The following CTNNA1 variants were observed in gnomAD, a reference collection of about 807,000 sequenced individuals.
CTNNA1 encodes catenin alpha-1.
A neutral mutation model predicts 98.4 loss-of-function variants in CTNNA1; 37 were observed. That is an observed-to-expected ratio of 0.38 (90% CI 0.29 to 0.49). The LOEUF (loss-of-function observed/expected upper bound fraction) is 0.49. CTNNA1 is among the 20% of genes least tolerant of loss of function. CTNNA1 has a pLI of 0.95. For synonymous variants in CTNNA1, 404 were observed against 413.2 expected, an observed-to-expected ratio of 0.98 and a Z score of 0.27; for missense variants, 761 against 1,147.2, an observed-to-expected ratio of 0.66 and a Z score of 4.86.
At chr5:138,903,784 A>C (rs763368762) in intron 9 of CTNNA1, among the ~76,000 whole-genome samples, 5 of 152,094 alleles carry the variant, frequency 3.3e-5, no homozygotes, top group Non-Finnish European at 5.9e-5. Flanking sequence ...TCCACTTTTG[A>C]TCATGATTGC....
chr5:138,845,382 G>A (rs1238658862), intron 7 of CTNNA1, among the ~76,000 whole-genome samples: 2 of 152,138 alleles, frequency 1.3e-5, no homozygotes, highest in African/African-American at 4.8e-5. Flanking sequence ...TGTGGGTGGA[G>A]GAAGAAAGTG....
intron 5 of CTNNA1, among the ~76,000 whole-genome samples, chr5:138,821,860 A>G (rs1760083685): frequency 6.6e-6 from 1 of 152,188 alleles, no homozygotes; most frequent in Non-Finnish European, 1.5e-5. Context: ...TTCCTCAGTA[A>G]TCTGGATTAC....
chr5:138,812,803 T>TAGCCCTTTGACCCTTCGGC (rs1356476895), intron 5 of CTNNA1, among the ~76,000 whole-genome samples: 5 of 152,264 alleles, frequency 3.3e-5, no homozygotes, highest in African/African-American at 1.2e-4. Context: ...CAAGCTCCAG[T>TAGCCCTTTGACCCTTCGGC]AGCCCTTTGA....
rs1765964330 is a variant in CTNNA1, at chr5:138,933,793, G to T, written c.2434-9G>T. On this transcript the variant is annotated splice_polypyrimidine_tract_variant and intron_variant, in intron 17 of 17. Transcript: ENST00000302763. Reference sequence around the variant, plus strand: ...CCGGTGCTTCTTACCACCCCTGTCTGCCTCGTAGGTGGACAGCGCCATGTC... The same window carrying T: ...CCGGTGCTTCTTACCACCCCTGTCTTCCTCGTAGGTGGACAGCGCCATGTC... 3 of 1,611,020 alleles carry T rather than the reference G, an allele frequency of 1.9e-6. No homozygotes were observed. Among genetic ancestry groups the T allele is most frequent in the Admixed American group, 1.7e-5 (1 of 59,960 alleles).
chr5:138,805,108 A>G (rs147916504), intron 3 of CTNNA1, among the ~76,000 whole-genome samples: 214 of 152,306 alleles, frequency 1.4e-3, no homozygotes, highest in African/African-American at 5.0e-3. Context: ...GCCAGATCTC[A>G]TGAGAACTCA....
intron 1 of CTNNA1, among the ~76,000 whole-genome samples, chr5:138,758,472 T>C (rs559446761): frequency 6.6e-6 from 1 of 152,094 alleles, no homozygotes; most frequent in African/African-American, 2.4e-5. Context: ...CTGCCTCCCG[T>C]GTTCAAGTGA....
At chr5:138,777,433 G>A (rs1435868311) in intron 1 of CTNNA1, among the ~76,000 whole-genome samples, 395 of 132,518 alleles carry the variant, frequency 3.0e-3, no homozygotes, top group African/African-American at 0.01. Flanking sequence ...AGGCAGAGAC[G>A]CTCCTCACTT....
At chr5:138,848,198 A>C (rs913302967) in intron 7 of CTNNA1, among the ~76,000 whole-genome samples, 2 of 152,216 alleles carry the variant, frequency 1.3e-5, no homozygotes, top group Non-Finnish European at 1.5e-5. Context: ...ATGAAAAGTT[A>C]CCTAAGCTTT....
At position 138,921,195 on chromosome 5, in the gene CTNNA1, A is replaced by G. The variant is rs563063971; in HGVS notation, c.1546+3297A>G. ...GTGGTTTGAAATTCATCAAAGTGAT[A>G]AAGACTCTTTGAATTTCACTTGGAT... is the stretch of plus-strand genomic sequence containing the variant. On this transcript the variant is annotated intron_variant, in intron 11 of 17. Coordinates refer to ENST00000302763, the MANE Select transcript of CTNNA1 (RefSeq NM_001903.5). Among the ~76,000 whole-genome samples the G allele has an allele frequency of 8.5e-5, 13 of 152,354 alleles. No homozygotes were observed. In the South Asian group the frequency reaches 2.7e-3, roughly 32 times the overall value.
At chr5:138,846,308 A>ATT (rs1256880796) in intron 7 of CTNNA1, among the ~76,000 whole-genome samples, 1 of 152,220 alleles carries the variant, frequency 6.6e-6, no homozygotes, top group Non-Finnish European at 1.5e-5. Flanking sequence ...GACTGTAGTA[A>ATT]TGGTTGTACA....
At chr5:138,905,659 C>T (rs1166271432) in intron 10 of CTNNA1, among the ~76,000 whole-genome samples, 1 of 152,220 alleles carries the variant, frequency 6.6e-6, no homozygotes, top group Non-Finnish European at 1.5e-5. Context: ...ATCTGGCCCT[C>T]TAGAAAGACT....
Position 138,934,586 on chromosome 5 carries a change from T to C in CTNNA1, c.*497T>C, listed in dbSNP as rs575555820. ...AAGGTCTCTGGAGGGACAAACTCACTCAGTAAAACATAATGTATCATGAAG... is the reference window on the plus strand; with the variant it reads ...AAGGTCTCTGGAGGGACAAACTCACCCAGTAAAACATAATGTATCATGAAG... On this transcript the variant is annotated 3_prime_UTR_variant, in exon 18 of 18. Coordinates refer to ENST00000302763, the MANE Select transcript of CTNNA1 (RefSeq NM_001903.5). 2.0e-5 allele frequency: 3 copies of C among 150,728 alleles called. No homozygotes were observed. Among genetic ancestry groups the C allele is most frequent in the South Asian group, 2.1e-4 (1 of 4,748 alleles). The allele number at this position is 150,728 out of a possible 1,614,324, so 9.3% of individuals were successfully genotyped here.
At chr5:138,914,240 T>C (rs1353551907) in intron 10 of CTNNA1, among the ~76,000 whole-genome samples, 6 of 152,242 alleles carry the variant, frequency 3.9e-5, no homozygotes, top group Non-Finnish European at 5.9e-5. Flanking sequence ...CCATGTTTAC[T>C]TGGCTCTCTT....
rs1581178471 is a variant in CTNNA1 at position 138,827,630 on chromosome 5, C to G, written c.974C>G (p.Thr325Arg). 6.2e-7 allele frequency: 1 copy of G among 1,614,194 alleles called. No homozygotes were observed. The highest frequency in any genetic ancestry group is 8.5e-7 in the Non-Finnish European group (1 of 1,180,044). The change falls in exon 7 of 18, where the codon ACG (threonine) becomes AGG (arginine). Residue 325 changes from threonine (T) to arginine (R), a missense_variant. By Grantham distance (71) the Thr-to-Arg change is moderately conservative. Around this residue, in one of 6 missense-constraint regions of CTNNA1, gnomAD observed 287 missense variants for 436.0 expected, o/e 0.66. Transcript: ENST00000302763. ...GAALMADSSC[T>R]RDDRRERIVA... Reference sequence around the variant, plus strand: ...GCCTTGATGGCCGACTCGTCCTGCACGCGTGATGACCGTCGTGAGCGAATT... The same window carrying G: ...GCCTTGATGGCCGACTCGTCCTGCAGGCGTGATGACCGTCGTGAGCGAATT...
intron 1 of CTNNA1, among the ~76,000 whole-genome samples, chr5:138,770,641 C>T (rs77652528): frequency 0.011 from 1,661 of 152,254 alleles, 26 homozygotes; most frequent in African/African-American, 0.038. Context: ...ATTAGATTTT[C>T]GCTCAGATGT....
intron 16 of CTNNA1, 157 bp from the exon 17 acceptor site, chr5:138,932,421 C>T: frequency 6.9e-7 from 1 of 1,448,794 alleles, no homozygotes. Context: ...AGAGTGTAGG[C>T]AAGGGCTGTG....
At chr5:138,911,552 C>G (rs1247244391) in intron 10 of CTNNA1, among the ~76,000 whole-genome samples, 2 of 152,068 alleles carry the variant, frequency 1.3e-5, no homozygotes, top group African/African-American at 2.4e-5. Context: ...CAGAGGCTGG[C>G]CACAAGTCAA....
chr5:138,776,004 G>A (rs1754091156), intron 1 of CTNNA1, among the ~76,000 whole-genome samples: 1 of 147,818 alleles, frequency 6.8e-6, no homozygotes, highest in Non-Finnish European at 1.5e-5. Flanking sequence ...GGGATTACAG[G>A]TGTGAGCCAC....
intron 7 of CTNNA1, among the ~76,000 whole-genome samples, chr5:138,849,879 A>G (rs189439821): frequency 1.4e-4 from 22 of 152,208 alleles, no homozygotes; most frequent in Admixed American, 6.5e-5. Context: ...AAAGGGGTCT[A>G]AAAGAGTATC....
Sources: gnomAD v4.1 joint callset for allele counts (sites outside exome capture counted in the v4.1 genomes callset) on GRCh38, gnomAD v4.1.1 for gene constraint, gnomAD v4.1.1 regional missense constraint, MANE v1.5 for transcripts, NCBI Gene and HGNC (gene_info 2026-07-23, HGNC 2026-07-21) for gene names.